Variants in UBE2H observed in about 807,000 individuals in gnomAD.
UBE2H encodes ubiquitin conjugating enzyme E2 H, also known as ubiquitin-conjugating enzyme E2 H.
In UBE2H, 3 loss-of-function variants were observed where a neutral mutation model predicts 29.0. The observed-to-expected ratio is 0.10, with a 90% confidence interval of 0.05 to 0.27. The LOEUF is 0.27. UBE2H is among the 10% of genes least tolerant of loss of function. UBE2H has a pLI of 1.00. For missense variants in UBE2H, 68 were observed against 228.2 expected (o/e 0.30, Z 4.52); for synonymous variants, 69 against 82.9 (o/e 0.83, Z 0.91).
At position 129,835,173 on chromosome 7, in the gene UBE2H, G is replaced by C. The variant is rs186223816; in HGVS notation, c.428-112C>G. On this transcript the variant is annotated intron_variant, in intron 6 of 6. Transcript: ENST00000355621. ...GGTTCAAACTTACCTTGAACACCAG[G>C]GGGGACAAAGATGACAGTAATCATG... 6.2e-6 allele frequency: 9 copies of C among 1,444,294 alleles called. No individual in the cohort carries two copies. The African/African-American group carries it at 7.0e-5, about 11-fold the overall frequency. The allele number at this position is 1,444,294 out of a possible 1,614,324, so 89.5% of individuals were successfully genotyped here.
chr7:129,846,537 G>A (rs1218419809), intron 5 of UBE2H, among the ~76,000 whole-genome samples: 1 of 145,048 alleles, frequency 6.9e-6, no homozygotes. Context: ...CAGCCTGGGT[G>A]ACAAAGCAAG....
intron 1 of UBE2H, among the ~76,000 whole-genome samples, chr7:129,891,721 G>C (rs990895888): frequency 1.3e-5 from 2 of 151,228 alleles, no homozygotes; most frequent in Non-Finnish European, 2.9e-5. Flanking sequence ...AGAACTGCTT[G>C]AACAGGGAGG....
At chr7:129,842,098 TG>T (rs1394739839) in intron 5 of UBE2H, among the ~76,000 whole-genome samples, 2 of 152,260 alleles carry the variant, frequency 1.3e-5, no homozygotes, top group Non-Finnish European at 2.9e-5. Context: ...AGGCAATAGA[TG>T]TGTAACTTCT....
intron 1 of UBE2H, among the ~76,000 whole-genome samples, chr7:129,930,423 C>T (rs1807365379): frequency 6.6e-6 from 1 of 152,054 alleles, no homozygotes; most frequent in Non-Finnish European, 1.5e-5. Context: ...CTTGGCCTCC[C>T]AAAGTGTTGG....
chr7:129,858,860 C>T (rs1414619736), intron 4 of UBE2H, 42 bp downstream of exon 4: 1 of 1,565,788 alleles, frequency 6.4e-7, no homozygotes, highest in South Asian at 1.1e-5. Context: ...TAATCATGAG[C>T]AGTTGCTGCT....
chr7:129,843,738 T>C (rs1318160291), intron 5 of UBE2H, among the ~76,000 whole-genome samples: 1 of 152,140 alleles, frequency 6.6e-6, no homozygotes, highest in Non-Finnish European at 1.5e-5. Context: ...CTTGTTTTCA[T>C]GCAGCTCCAC....
At chr7:129,842,917 T>TAAAAACA (rs1157324030) in intron 5 of UBE2H, among the ~76,000 whole-genome samples, 2 of 146,264 alleles carry the variant, frequency 1.4e-5, no homozygotes, top group African/African-American at 5.0e-5. Context: ...AAAACAAAAA[T>TAAAAACA]AAAAACAAAA....
rs555305069 is a variant in UBE2H, at chr7:129,891,008, C to T, written c.54-10037G>A. Among the ~76,000 whole-genome samples the T allele has an allele frequency of 6.1e-4, 92 of 151,600 alleles. No individual in the cohort carries two copies. In the Middle Eastern group the frequency reaches 0.01, roughly 17 times the overall value. On this transcript the variant is annotated intron_variant, in intron 1 of 6. Coordinates refer to ENST00000355621, the MANE Select transcript of UBE2H (RefSeq NM_003344.4). ...CAAATTAGCTGGGCGTGGTGGCGGG[C>T]GCTTGTAATCCCAGCTACTTGGGAG...
chr7:129,930,212 A>G (rs1170097534), intron 1 of UBE2H, among the ~76,000 whole-genome samples: 3 of 151,996 alleles, frequency 2.0e-5, no homozygotes, highest in Non-Finnish European at 4.4e-5. Context: ...CCCACGCTGC[A>G]GTGTAATGGC....
chr7:129,842,564 G>C (rs974594981), intron 5 of UBE2H, among the ~76,000 whole-genome samples: 1 of 152,152 alleles, frequency 6.6e-6, no homozygotes, highest in Non-Finnish European at 1.5e-5. Flanking sequence ...CCTTGGGTGG[G>C]TGAGTTATTA....
chr7:129,900,729 G>A (rs995358044), intron 1 of UBE2H, among the ~76,000 whole-genome samples: 82 of 149,966 alleles, frequency 5.5e-4, no homozygotes, highest in Non-Finnish European at 9.3e-4. Flanking sequence ...ATATAGCATC[G>A]TATGATTAAG....
intron 1 of UBE2H, among the ~76,000 whole-genome samples, chr7:129,930,599 T>C (rs952937136): frequency 2.6e-5 from 4 of 151,584 alleles, no homozygotes; most frequent in Non-Finnish European, 5.9e-5. Context: ...TGAAAACCCA[T>C]CTCTACTAAA....
At chr7:129,911,472 C>A (rs1221842939) in intron 1 of UBE2H, among the ~76,000 whole-genome samples, 2 of 151,642 alleles carry the variant, frequency 1.3e-5, no homozygotes, top group Non-Finnish European at 2.9e-5. Flanking sequence ...AACAAAAAAA[C>A]AGATTGTAGT....
At chr7:129,851,373 G>C (rs552923820) in intron 5 of UBE2H, among the ~76,000 whole-genome samples, 5 of 152,322 alleles carry the variant, frequency 3.3e-5, no homozygotes, top group African/African-American at 1.2e-4. Flanking sequence ...AATGAGGGCA[G>C]TTAATGTGTA....
intron 1 of UBE2H, among the ~76,000 whole-genome samples, chr7:129,886,587 A>G (rs1806363608): frequency 6.6e-6 from 1 of 151,998 alleles, no homozygotes; most frequent in Admixed American, 6.6e-5. Context: ...GCCCTCCCTG[A>G]GCTGTGTGGA....
chr7:129,835,111 T>G lies in UBE2H; in HGVS notation c.428-50A>C, dbSNP rs745792285. ...CAAGGGCAGTGAGTGGGCAGGCATGTGCTTTGGCGACCCCAAAAAGCTGGC... is the reference window on the plus strand; with the variant it reads ...CAAGGGCAGTGAGTGGGCAGGCATGGGCTTTGGCGACCCCAAAAAGCTGGC... On this transcript the variant is annotated intron_variant, in intron 6 of 6. Coordinates refer to ENST00000355621, the MANE Select transcript of UBE2H (RefSeq NM_003344.4). 34 of 1,609,246 alleles carry G rather than the reference T, an allele frequency of 2.1e-5. No individual in the cohort carries two copies. The South Asian group carries it at 3.5e-4, about 17-fold the overall frequency.
chr7:129,952,621 G>A lies in UBE2H; in HGVS notation c.-66C>T. On this transcript the variant is annotated 5_prime_UTR_variant, in exon 1 of 7. Transcript: ENST00000355621. ...CACGGGCCCGGGGCCCCGGCTCTGA[G>A]GAGCCCGCGGCCGCGCCGGCTCCTC... The A allele has an allele frequency of 1.3e-6, 2 of 1,572,718 alleles. No individual in the cohort carries two copies. The highest frequency in any genetic ancestry group is 1.7e-4 in the Middle Eastern group (1 of 5,818).
chr7:129,888,599 C>T (rs940278383), intron 1 of UBE2H, among the ~76,000 whole-genome samples: 8 of 152,158 alleles, frequency 5.3e-5, no homozygotes, highest in African/African-American at 1.7e-4. Flanking sequence ...CTCGGCCTCC[C>T]GAGTAGCTGG....
chr7:129,909,517 T>C (rs1806886973), intron 1 of UBE2H, among the ~76,000 whole-genome samples: 1 of 152,106 alleles, frequency 6.6e-6, no homozygotes, highest in Admixed American at 6.5e-5. Flanking sequence ...TCTTTTCCTT[T>C]TGCTTCTAAT....
Sources: allele counts gnomAD v4.1 joint callset (sites outside exome capture counted in the v4.1 genomes callset), GRCh38; gene constraint gnomAD v4.1.1; transcripts MANE v1.5; gene names NCBI Gene and HGNC (gene_info 2026-07-23, HGNC 2026-07-21).